The following WNK3 variants were observed in gnomAD, a reference collection of about 807,000 sequenced individuals.
WNK3 encodes the protein serine/threonine-protein kinase WNK3.
WNK3 carries 18 observed loss-of-function variants against 116.7 expected under a neutral mutation model. The ratio of observed to expected loss-of-function variants is 0.15; its 90% CI spans 0.11 to 0.23. The LOEUF is 0.23. Ranked by LOEUF, WNK3 falls within the 10% of genes least tolerant of loss-of-function variation. The pLI, the probability that WNK3 is intolerant of heterozygous loss-of-function variation, is 1.00. For synonymous variants in WNK3, 404 were observed against 469.4 expected (o/e 0.86, Z 1.80); for missense variants, 993 against 1,323.8 (o/e 0.75, Z 3.88).
chrX:54,297,211 A>G (rs782527679), intron 7 of WNK3, among the ~76,000 whole-genome samples: 54 of 111,419 alleles, frequency 4.8e-4, no homozygotes, highest in African/African-American at 1.7e-3. Flanking sequence ...CTTGCCATTC[A>G]GTTTTCAAAA....
At chrX:54,313,145 CTAAT>C (rs1184023723) in intron 2 of WNK3, among the ~76,000 whole-genome samples, 1 of 110,839 alleles carries the variant, frequency 9.0e-6, no homozygotes, top group Non-Finnish European at 1.9e-5. Flanking sequence ...TTTCTGCTCT[CTAAT>C]TAGTTAAGAA....
intron 22 of WNK3, among the ~76,000 whole-genome samples, chrX:54,211,458 A>C (rs1557143741): frequency 9.5e-6 from 1 of 105,645 alleles, no homozygotes; most frequent in East Asian, 3.0e-4. Flanking sequence ...AAAAAAAAAA[A>C]CTCCACATAT....
intron 17 of WNK3, among the ~76,000 whole-genome samples, chrX:54,244,693 C>A (rs2068057167): frequency 8.9e-6 from 1 of 111,841 alleles, no homozygotes; most frequent in African/African-American, 3.2e-5. Flanking sequence ...CTATGTTCAC[C>A]TTATCTTATG....
intron 1 of WNK3, among the ~76,000 whole-genome samples, chrX:54,356,504 A>C (rs545392476): frequency 5.0e-4 from 55 of 110,974 alleles, no homozygotes; most frequent in Non-Finnish European, 8.9e-4. Flanking sequence ...GCTATCCTTT[A>C]ATGCAAGGTA....
chrX:54,267,720 C>T (rs1232457115), intron 10 of WNK3, among the ~76,000 whole-genome samples: 2 of 110,161 alleles, frequency 1.8e-5, no homozygotes, highest in Non-Finnish European at 3.8e-5. Context: ...CACTTGAACC[C>T]GGGAGGCGGA....
At chrX:54,322,722 T>G (rs2069053221) in intron 2 of WNK3, among the ~76,000 whole-genome samples, 1 of 111,880 alleles carries the variant, frequency 8.9e-6, no homozygotes, top group Non-Finnish European at 1.9e-5. Flanking sequence ...ATCTGAAAAC[T>G]AATAATCCTT....
At chrX:54,196,251 T>C (rs1006256591) in exon 24 of WNK3, 1 of 111,064 alleles carries the variant, frequency 9.0e-6, no homozygotes, top group African/African-American at 3.3e-5. Flanking sequence ...ACTTAACATT[T>C]GGAAAGACTC....
chrX:54,295,823 G>T (rs926429809), intron 7 of WNK3, among the ~76,000 whole-genome samples: 7 of 111,064 alleles, frequency 6.3e-5, no homozygotes, highest in Non-Finnish European at 1.1e-4. Context: ...GAGTAGCTGG[G>T]ATCACAGGCA....
At chrX:54,296,133 AGAG>A (rs1387238029) in intron 7 of WNK3, among the ~76,000 whole-genome samples, 1 of 112,049 alleles carries the variant, frequency 8.9e-6, no homozygotes, top group Non-Finnish European at 1.9e-5. Context: ...ACTAGGCATT[AGAG>A]GAGTGAGAGA....
chrX:54,273,762 T>C (rs1408402547), intron 10 of WNK3, among the ~76,000 whole-genome samples: 1 of 111,370 alleles, frequency 9.0e-6, no homozygotes, highest in African/African-American at 3.3e-5. Context: ...CTAAAACTAC[T>C]CAATGGATAC....
At position 54,249,757 on chromosome X, in the gene WNK3, G is replaced by A. The variant is rs3761510; in HGVS notation, c.2714-123C>T. 2,584 of 756,494 alleles carry A rather than the reference G, an allele frequency of 3.4e-3. 66 individuals are homozygous for A. In the East Asian group the frequency reaches 0.073, roughly 21 times the overall value. 62.3% of individuals were successfully genotyped at this position (756,494 alleles called of 1,213,427 possible). ...TGAGAACCTGTGTGAAAGTACTCTCGTAAATAAGACTCAAAACACAGAATT... is the reference window on the plus strand; with the variant it reads ...TGAGAACCTGTGTGAAAGTACTCTCATAAATAAGACTCAAAACACAGAATT... On this transcript the variant is annotated intron_variant, in intron 16 of 23. Coordinates refer to ENST00000354646, the Ensembl canonical transcript of WNK3.
chrX:54,323,964 G>A (rs534337979), intron 2 of WNK3, among the ~76,000 whole-genome samples: 9 of 112,540 alleles, frequency 8.0e-5, no homozygotes, highest in Admixed American at 6.6e-4. Flanking sequence ...AAACAGAAAT[G>A]TATTATCTGC....
intron 22 of WNK3, among the ~76,000 whole-genome samples, chrX:54,225,909 G>A (rs1041850272): frequency 3.7e-5 from 4 of 109,300 alleles, no homozygotes; most frequent in Non-Finnish European, 7.6e-5. Flanking sequence ...TAAACTATAG[G>A]AATCAAGATG....
At chrX:54,238,550 GAAGAA>G in intron 18 of WNK3, 78 bp from the exon 19 acceptor site, 2 of 1,014,474 alleles carry the variant, frequency 2.0e-6, no homozygotes, top group Admixed American at 3.0e-5. Flanking sequence ...TACCAAAAAT[GAAGAA>G]AAGTAGAAAA....
intron 1 of WNK3, among the ~76,000 whole-genome samples, chrX:54,354,993 A>G (rs1557179161): frequency 1.8e-5 from 2 of 111,190 alleles, no homozygotes; most frequent in Non-Finnish European, 3.8e-5. Flanking sequence ...CTGAGGCAGG[A>G]GAATTGCTTG....
chrX:54,345,282 A>G (rs4826354), intron 1 of WNK3, among the ~76,000 whole-genome samples: 291 of 100,922 alleles, frequency 2.9e-3, no homozygotes, highest in Admixed American at 7.1e-3. Context: ...AACTATATAT[A>G]TATGTATGTA....
chrX:54,267,642 C>T (rs782611549), intron 10 of WNK3, among the ~76,000 whole-genome samples: 97 of 109,563 alleles, frequency 8.9e-4, no homozygotes, highest in African/African-American at 3.2e-3. Flanking sequence ...AAAAATTAGG[C>T]GGGCATGGTG....
At chrX:54,330,277 G>A (rs964171999) in intron 2 of WNK3, among the ~76,000 whole-genome samples, 1 of 111,280 alleles carries the variant, frequency 9.0e-6, no homozygotes, top group Non-Finnish European at 1.9e-5. Context: ...GGAGGCTGAG[G>A]CAGAATAATC....
At chrX:54,214,030 G>A (rs188346114) in intron 22 of WNK3, among the ~76,000 whole-genome samples, 1,145 of 111,086 alleles carry the variant, frequency 0.01, 13 homozygotes, top group African/African-American at 0.035. Context: ...AGGCTGGAGG[G>A]CAGTGGCACA....
Sources: allele counts gnomAD v4.1 joint callset (sites outside exome capture counted in the v4.1 genomes callset), GRCh38; gene constraint gnomAD v4.1.1; transcripts MANE v1.5; gene names NCBI Gene and HGNC (gene_info 2026-07-23, HGNC 2026-07-21).